The following STXBP5 variants were observed in gnomAD, a reference collection of about 807,000 sequenced individuals.
STXBP5 encodes the protein syntaxin binding protein 5, also known as syntaxin-binding protein 5.
A neutral mutation model predicts 152.4 loss-of-function variants in STXBP5; 50 were observed. The observed-to-expected ratio is 0.33, with a 90% CI of 0.26 to 0.42. STXBP5 has a LOEUF of 0.42. STXBP5 is among the 10% of genes least tolerant of loss of function. STXBP5 has a pLI of 1.00. For missense variants in STXBP5, 1,167 were observed against 1,388.6 expected (o/e 0.84, Z 2.54); for synonymous variants, 492 against 494.7 (o/e 0.99, Z 0.07).
At chr6:147,222,863 C>T (rs578198112) in intron 2 of STXBP5, among the ~76,000 whole-genome samples, 3 of 152,318 alleles carry the variant, frequency 2.0e-5, no homozygotes, top group Admixed American at 1.3e-4. Context: ...GACTTTCTGA[C>T]TTGCCTATTT....
chr6:147,230,456 G>GTT (rs1777942079), intron 2 of STXBP5, among the ~76,000 whole-genome samples: 1 of 151,732 alleles, frequency 6.6e-6, no homozygotes, highest in Non-Finnish European at 1.5e-5. Flanking sequence ...TTAGCATATT[G>GTT]TTTACTATCT....
At position 147,386,427 on chromosome 6, in the gene STXBP5, A is replaced by G. The variant is rs1275634885; in HGVS notation, c.*1672A>G. 2 of 151,706 alleles carry G rather than the reference A, an allele frequency of 1.3e-5. No individual in the cohort carries two copies. Among genetic ancestry groups the G allele is most frequent in the African/African-American group, 4.8e-5 (2 of 41,370 alleles). 9.4% of individuals were successfully genotyped at this position (151,706 alleles called of 1,614,324 possible). A position where few individuals can be genotyped will look rare whatever the true frequency, so the allele number is the denominator to read the frequency against. ...TCTACTTTTCATTAATAAAGCTTTT[A>G]TGTTTACATTTTATAACATGCACTA... On this transcript the variant is annotated 3_prime_UTR_variant, in exon 28 of 28. Transcript: ENST00000321680.
At chr6:147,269,038 G>A (rs1390250275) in intron 7 of STXBP5, among the ~76,000 whole-genome samples, 1 of 152,178 alleles carries the variant, frequency 6.6e-6, no homozygotes, top group Non-Finnish European at 1.5e-5. Context: ...GTATTAGAGA[G>A]CAAAGAGCTT....
chr6:147,366,732 C>T (rs1224246279), intron 25 of STXBP5, among the ~76,000 whole-genome samples: 1 of 152,194 alleles, frequency 6.6e-6, no homozygotes, highest in Admixed American at 6.5e-5. Flanking sequence ...ACTCCTTTTC[C>T]TTGCCAGGTA....
chr6:147,251,151 G>A (rs1779070364), intron 4 of STXBP5, among the ~76,000 whole-genome samples: 1 of 152,100 alleles, frequency 6.6e-6, no homozygotes, highest in Non-Finnish European at 1.5e-5. Flanking sequence ...GCCGAAGCAG[G>A]GTGTGGCGTT....
In STXBP5 at chr6:147,386,244, A is replaced by G. The variant is rs1377777526; in HGVS notation, c.*1489A>G. The G allele has an allele frequency of 1.3e-5, 2 of 151,970 alleles. No homozygotes were observed. The highest frequency in any genetic ancestry group is 2.4e-5 in the African/African-American group (1 of 41,454). 9.4% of individuals were successfully genotyped at this position (151,970 alleles called of 1,614,324 possible). ...TAATGAAATTTAAATATTGTCTTCT[A>G]TAAAAAATTCCTTTAAATGATTTTG... On this transcript the variant is annotated 3_prime_UTR_variant, in exon 28 of 28. Transcript: ENST00000321680.
Position 147,333,087 on chromosome 6 carries a change from TATCAA to T in STXBP5, c.2081-1069_2081-1065del, listed in dbSNP as rs1323464925. ...CTGTTTAGAGATCCTCTTAGTGTTC[TATCAA>T]TAAAGAGTACATGTATATAAACAAA... is the stretch of plus-strand genomic sequence containing the variant. On this transcript the variant is annotated intron_variant, in intron 18 of 27. Coordinates refer to ENST00000321680, the MANE Select transcript of STXBP5 (RefSeq NM_001127715.4). 3.3e-5 allele frequency among the ~76,000 whole-genome samples: 5 copies of T among 152,350 alleles called. No homozygotes were observed. In the East Asian group the frequency reaches 5.8e-4, roughly 18 times the overall value.
intron 2 of STXBP5, among the ~76,000 whole-genome samples, chr6:147,226,483 G>A (rs1436572740): frequency 2.0e-5 from 3 of 152,146 alleles, no homozygotes; most frequent in Non-Finnish European, 4.4e-5. Flanking sequence ...TAGGATGGAA[G>A]TATAGCATAG....
intron 4 of STXBP5, among the ~76,000 whole-genome samples, chr6:147,239,690 T>G (rs139956338): frequency 1.8e-3 from 281 of 152,356 alleles, no homozygotes; most frequent in African/African-American, 6.6e-3. Flanking sequence ...AGTGCCATAA[T>G]TTATTCAGCC....
At chr6:147,216,853 G>T (rs1359858238) in intron 2 of STXBP5, among the ~76,000 whole-genome samples, 1 of 152,248 alleles carries the variant, frequency 6.6e-6, no homozygotes, top group East Asian at 1.9e-4. Flanking sequence ...AATAAGGTTT[G>T]CTTTATACAG....
intron 4 of STXBP5, among the ~76,000 whole-genome samples, chr6:147,242,082 G>T (rs573434648): frequency 7.9e-5 from 12 of 151,912 alleles, no homozygotes; most frequent in African/African-American, 2.9e-4. Flanking sequence ...ACCTTCTAGT[G>T]GGACAAGATC....
intron 25 of STXBP5, among the ~76,000 whole-genome samples, chr6:147,369,688 A>G (rs1785454360): frequency 6.6e-6 from 1 of 152,052 alleles, no homozygotes; most frequent in Non-Finnish European, 1.5e-5. Context: ...AAGATTCTCA[A>G]CATTATTTAT....
intron 7 of STXBP5, among the ~76,000 whole-genome samples, chr6:147,268,915 A>G (rs895973134): frequency 6.6e-6 from 1 of 152,240 alleles, no homozygotes; most frequent in Non-Finnish European, 1.5e-5. Flanking sequence ...GAGATTTTCC[A>G]GTTCTTGGAA....
At chr6:147,342,918 A>C (rs1479798093) in intron 21 of STXBP5, among the ~76,000 whole-genome samples, 1 of 152,140 alleles carries the variant, frequency 6.6e-6, no homozygotes, top group African/African-American at 2.4e-5. Context: ...TGCTAAAAGT[A>C]GATTTCTAGC....
chr6:147,362,208 G>A (rs1385302073), intron 23 of STXBP5, among the ~76,000 whole-genome samples: 1 of 152,168 alleles, frequency 6.6e-6, no homozygotes, highest in Middle Eastern at 3.4e-3. Flanking sequence ...GAGAGGAAAG[G>A]AAAGAATATT....
chr6:147,257,752 T>C (rs1417489905), intron 4 of STXBP5, among the ~76,000 whole-genome samples: 1 of 152,198 alleles, frequency 6.6e-6, no homozygotes, highest in East Asian at 1.9e-4. Context: ...AGCTTTATTT[T>C]AGTTGAGTTT....
At chr6:147,354,318 A>G (rs544376589) in intron 22 of STXBP5, among the ~76,000 whole-genome samples, 2 of 152,306 alleles carry the variant, frequency 1.3e-5, no homozygotes, top group African/African-American at 4.8e-5. Flanking sequence ...TAGGCATACA[A>G]TATATTCCAC....
chr6:147,270,994 G>A (rs1780136888), intron 7 of STXBP5, among the ~76,000 whole-genome samples: 1 of 152,096 alleles, frequency 6.6e-6, no homozygotes, highest in Non-Finnish European at 1.5e-5. Context: ...GACTCAGAGA[G>A]TTAAGCTAAA....
At chr6:147,241,012 G>C (rs191689096) in intron 4 of STXBP5, among the ~76,000 whole-genome samples, 1 of 152,268 alleles carries the variant, frequency 6.6e-6, no homozygotes, top group East Asian at 1.9e-4. Context: ...TCTTAGGTCT[G>C]TCTCTCTATT....
Sources: allele counts gnomAD v4.1 joint callset (sites outside exome capture counted in the v4.1 genomes callset), GRCh38; gene constraint gnomAD v4.1.1; transcripts MANE v1.5; gene names NCBI Gene and HGNC (gene_info 2026-07-23, HGNC 2026-07-21).